Variants in COL9A1 observed in about 807,000 individuals in gnomAD.
COL9A1 encodes collagen type IX alpha 1 chain, also known as collagen alpha-1(IX) chain.
In COL9A1, 104 loss-of-function variants were observed where a neutral mutation model predicts 142.6. The observed-to-expected ratio is 0.73, with a 90% CI of 0.62 to 0.86. The LOEUF is 0.86. Among genes scored for constraint, COL9A1 ranks in the 40% least tolerant of loss-of-function variants. COL9A1 has a pLI of 0.00. For synonymous variants in COL9A1, 466 were observed against 396.0 expected (o/e 1.18, Z -2.10); for missense variants, 1,210 against 1,176.6 (o/e 1.03, Z -0.42).
At chr6:70,273,053 C>T (rs1772512016) in intron 12 of COL9A1, among the ~76,000 whole-genome samples, 1 of 152,084 alleles carries the variant, frequency 6.6e-6, no homozygotes, top group Admixed American at 6.6e-5. Context: ...TACCAAGCAT[C>T]CCATGGAATC....
intron 19 of COL9A1, among the ~76,000 whole-genome samples, chr6:70,261,765 T>C (rs1771705996): frequency 6.6e-6 from 1 of 152,204 alleles, no homozygotes; most frequent in African/African-American, 2.4e-5. Flanking sequence ...ACTCTAAAGT[T>C]ATTTCTACAA....
chr6:70,251,562 T>C (rs1489163296), intron 28 of COL9A1, among the ~76,000 whole-genome samples: 1 of 152,172 alleles, frequency 6.6e-6, no homozygotes, highest in Non-Finnish European at 1.5e-5. Flanking sequence ...AAATTAACTA[T>C]TTATTTTTAA....
At chr6:70,252,789 C>T (rs984733401) in intron 26 of COL9A1, among the ~76,000 whole-genome samples, 15 of 152,150 alleles carry the variant, frequency 9.9e-5, no homozygotes, top group Admixed American at 9.2e-4. Flanking sequence ...TGGAGATGCC[C>T]TCTCCACCAT....
At chr6:70,298,667 A>C (rs779789503) in intron 4 of COL9A1, among the ~76,000 whole-genome samples, 1 of 152,226 alleles carries the variant, frequency 6.6e-6, no homozygotes, top group Admixed American at 6.5e-5. Context: ...TCTGAACTTA[A>C]GAGTTAATGA....
chr6:70,234,566 TA>T lies in COL9A1; in HGVS notation c.2286del (p.Lys763SerfsTer5), dbSNP rs1318355511. 1.9e-6 allele frequency: 3 copies of T among 1,614,102 alleles called. No homozygotes were observed. The highest frequency in any genetic ancestry group is 2.5e-6 in the Non-Finnish European group (3 of 1,180,038). ...TGTATGACTCTCATGCAAACCTGCTTAATGTGCTGATCTGTCGGTGCTCTAC... is the reference window on the plus strand; with the variant it reads ...TGTATGACTCTCATGCAAACCTGCTTATGTGCTGATCTGTCGGTGCTCTAC... ...PPGRAPTDQH[I>X]KQVCMRVIQE... On this transcript the variant is annotated frameshift_variant, in exon 35 of 38. Transcript: ENST00000357250. LOFTEE classifies it high-confidence loss of function.
chr6:70,264,524 G>A (rs190074553), intron 18 of COL9A1, among the ~76,000 whole-genome samples: 114 of 152,098 alleles, frequency 7.5e-4, no homozygotes, highest in Non-Finnish European at 3.1e-4. Flanking sequence ...ATCATCATGT[G>A]TGCCTAATTA....
intron 26 of COL9A1, among the ~76,000 whole-genome samples, chr6:70,252,893 C>T (rs1583263794): frequency 6.6e-6 from 1 of 152,174 alleles, no homozygotes; most frequent in Middle Eastern, 3.4e-3. Context: ...TGTTATTCAC[C>T]TTTTATCTCT....
At chr6:70,283,931 A>T in intron 5 of COL9A1, 111 bp from the exon 6 acceptor site, 1 of 808,644 alleles carries the variant, frequency 1.2e-6, no homozygotes, top group Non-Finnish European at 2.1e-6. Context: ...ATCAACTTGA[A>T]CTGGTTGAGC....
intron 17 of COL9A1, among the ~76,000 whole-genome samples, chr6:70,267,574 G>A (rs1772110778): frequency 2.0e-5 from 3 of 151,710 alleles, no homozygotes; most frequent in South Asian, 2.1e-4. Flanking sequence ...CACCCACCTC[G>A]GCCTCCCAAA....
At chr6:70,241,174 AC>A in intron 31 of COL9A1, among the ~76,000 whole-genome samples, 1 of 152,324 alleles carries the variant, frequency 6.6e-6, no homozygotes, top group East Asian at 1.9e-4. Context: ...AGACAGAGCC[AC>A]GCTCTTCAAA....
chr6:70,220,111 C>A (rs747528454), intron 37 of COL9A1, among the ~76,000 whole-genome samples: 12 of 152,040 alleles, frequency 7.9e-5, no homozygotes, highest in Admixed American at 4.6e-4. Flanking sequence ...GCAAATGCAG[C>A]AATTTACCCT....
At chr6:70,300,729 C>A (rs1774032348) in intron 2 of COL9A1, among the ~76,000 whole-genome samples, 1 of 152,068 alleles carries the variant, frequency 6.6e-6, no homozygotes, top group African/African-American at 2.4e-5. Context: ...GGCATTTGTT[C>A]CTTTTGAAAC....
chr6:70,246,856 A>C (rs761383103), intron 28 of COL9A1, among the ~76,000 whole-genome samples: 1 of 152,186 alleles, frequency 6.6e-6, no homozygotes, highest in Non-Finnish European at 1.5e-5. Context: ...TGATTTTGCC[A>C]TGCATCTGGT....
rs1769199680 is a variant in COL9A1, at chr6:70,225,967, C to T, written c.2546G>A (p.Gly849Asp). The T allele has an allele frequency of 3.1e-6, 5 of 1,614,058 alleles. No individual in the cohort carries two copies. The highest frequency in any genetic ancestry group is 4.2e-6 in the Non-Finnish European group (5 of 1,180,000). ...TATAGCTCCAGGCAAACCGTTGGGA[C>T]CTCTTCCTGGAGGGCCACGCTCCCC... ...EKGERGPPGR[G>D]PNGLPGAIGL... is the part of the protein sequence containing the mutation. Residue 849 changes from glycine to aspartate, a missense_variant, in exon 37 of 38, where the codon GGT becomes GAT. Gly to Asp is a moderately conservative substitution (Grantham distance 94, BLOSUM62 -1). Transcript: ENST00000357250.
At chr6:70,235,008 TA>T in intron 33 of COL9A1, 68 bp from the exon 34 acceptor site, 2 of 1,599,092 alleles carry the variant, frequency 1.3e-6, no homozygotes, top group Non-Finnish European at 8.6e-7. Flanking sequence ...CATACTCATA[TA>T]AACACTTATA....
intron 37 of COL9A1, among the ~76,000 whole-genome samples, chr6:70,222,076 A>G (rs1229664199): frequency 1.3e-5 from 2 of 152,228 alleles, no homozygotes; most frequent in Non-Finnish European, 2.9e-5. Flanking sequence ...CTTTGGGAAC[A>G]TAGACTCAGG....
In COL9A1 at chr6:70,274,788, A is replaced by G. The variant is rs1400966840; in HGVS notation, c.976-16T>C. ...CTGTTAATCCCTAATAGAGCAAGAC[A>G]ATGATGTTAGAACTATCATAACATC... On this transcript the variant is annotated splice_polypyrimidine_tract_variant and intron_variant, in intron 10 of 37. Coordinates refer to ENST00000357250, the MANE Select transcript of COL9A1 (RefSeq NM_001851.6). 5 of 1,608,010 alleles carry G rather than the reference A, an allele frequency of 3.1e-6. No homozygotes were observed. The South Asian group carries it at 4.4e-5, about 14-fold the overall frequency.
At chr6:70,294,693 C>T (rs1427854988) in intron 4 of COL9A1, 130 bp from the exon 5 acceptor site, 4 of 834,512 alleles carry the variant, frequency 4.8e-6, no homozygotes, top group Admixed American at 4.4e-5. Flanking sequence ...ACCTATGTAC[C>T]GTTTGTTCTT....
At chr6:70,242,861 G>A (rs769998359) in intron 28 of COL9A1, 146 bp from the exon 29 acceptor site, 1 of 737,066 alleles carries the variant, frequency 1.4e-6, no homozygotes, top group Non-Finnish European at 2.4e-6. Flanking sequence ...AGCATCCTGT[G>A]TTCATCTTGC....
Sources: gnomAD v4.1 joint callset for allele counts (sites outside exome capture counted in the v4.1 genomes callset) on GRCh38, gnomAD v4.1.1 for gene constraint, MANE v1.5 for transcripts, NCBI Gene and HGNC (gene_info 2026-07-23, HGNC 2026-07-21) for gene names.